Variants in MDFIC2 observed in about 807,000 individuals in gnomAD.
The protein encoded by MDFIC2 is MyoD family inhibitor domain containing 2.
chr3:70,290,415 C>G (rs532548879), intron 2 of MDFIC2, among the ~76,000 whole-genome samples: 104 of 152,330 alleles, frequency 6.8e-4, no homozygotes, highest in South Asian at 2.5e-3. Flanking sequence ...CAGTCTGCCC[C>G]TTCTCAGATC....
intron 2 of MDFIC2, among the ~76,000 whole-genome samples, chr3:70,284,394 C>T (rs552534307): frequency 2.6e-4 from 40 of 152,208 alleles, no homozygotes; most frequent in Admixed American, 2.2e-3. Context: ...CTCTATTAAA[C>T]TTTCTAAAAA....
intron 2 of MDFIC2, among the ~76,000 whole-genome samples, chr3:70,242,685 C>T (rs1184765477): frequency 2.0e-5 from 3 of 152,138 alleles, no homozygotes; most frequent in East Asian, 3.9e-4. Flanking sequence ...GTATATCTAT[C>T]GAAGATAGCA....
At chr3:70,252,731 G>A (rs1701781106) in intron 2 of MDFIC2, among the ~76,000 whole-genome samples, 1 of 151,882 alleles carries the variant, frequency 6.6e-6, no homozygotes, top group Admixed American at 6.6e-5. Context: ...TACATGTCAG[G>A]AACTGGTTCT....
intron 3 of MDFIC2, among the ~76,000 whole-genome samples, chr3:70,204,006 G>A (rs1386103842): frequency 6.6e-6 from 1 of 152,158 alleles, no homozygotes; most frequent in African/African-American, 2.4e-5. Flanking sequence ...AGTGTGTGAT[G>A]TGCAGTAAAG....
intron 2 of MDFIC2, among the ~76,000 whole-genome samples, chr3:70,243,470 G>A (rs1049267726): frequency 6.6e-6 from 1 of 152,116 alleles, no homozygotes; most frequent in African/African-American, 2.4e-5. Flanking sequence ...CCTACTCACT[G>A]CACTGCTGCT....
chr3:70,241,175 T>C (rs1426501396), intron 2 of MDFIC2, among the ~76,000 whole-genome samples: 1 of 152,164 alleles, frequency 6.6e-6, no homozygotes, highest in Non-Finnish European at 1.5e-5. Flanking sequence ...TGAGATATTT[T>C]GGAAGAATTG....
chr3:70,238,946 T>C (rs929009651), intron 2 of MDFIC2, among the ~76,000 whole-genome samples: 1 of 152,238 alleles, frequency 6.6e-6, no homozygotes, highest in Non-Finnish European at 1.5e-5. Flanking sequence ...ATTCTCTAAA[T>C]CTAATTGTTT....
chr3:70,224,169 T>C (rs1442378240), intron 2 of MDFIC2, among the ~76,000 whole-genome samples: 1 of 152,126 alleles, frequency 6.6e-6, no homozygotes, highest in African/African-American at 2.4e-5. Flanking sequence ...ACTGGATTCG[T>C]AGACTTTGGT....
intron 2 of MDFIC2, among the ~76,000 whole-genome samples, chr3:70,244,730 C>G (rs972195659): frequency 6.6e-6 from 1 of 152,152 alleles, no homozygotes; most frequent in Admixed American, 6.5e-5. Context: ...TCATTATGCT[C>G]TTATGAATAA....
At chr3:70,231,342 G>A (rs2106744706) in intron 2 of MDFIC2, among the ~76,000 whole-genome samples, 1 of 152,290 alleles carries the variant, frequency 6.6e-6, no homozygotes, top group South Asian at 2.1e-4. Flanking sequence ...CAAGCAGCCC[G>A]CCATCTCTCT....
intron 2 of MDFIC2, among the ~76,000 whole-genome samples, chr3:70,228,741 C>T (rs1346983388): frequency 7.5e-6 from 1 of 133,512 alleles, no homozygotes. Flanking sequence ...TTTCATGAAT[C>T]TTTTTTTTTT....
At chr3:70,271,749 G>A (rs1230376447) in intron 2 of MDFIC2, 1 of 152,132 alleles carries the variant, frequency 6.6e-6, no homozygotes, top group African/African-American at 2.4e-5. Flanking sequence ...AATTGCTATG[G>A]CTCACACTTA....
intron 2 of MDFIC2, among the ~76,000 whole-genome samples, chr3:70,268,474 CAAAA>C (rs66482424): frequency 1.0e-5 from 1 of 96,586 alleles, no homozygotes. Flanking sequence ...GACTCCGTCT[CAAAA>C]AAAAAAAAAA....
chr3:70,243,633 G>A (rs1034626484), intron 2 of MDFIC2, among the ~76,000 whole-genome samples: 2 of 152,118 alleles, frequency 1.3e-5, no homozygotes, highest in Non-Finnish European at 2.9e-5. Context: ...GGGTGGCAGC[G>A]TCCCTAGCCT....
intron 2 of MDFIC2, among the ~76,000 whole-genome samples, chr3:70,274,030 T>C (rs919774127): frequency 1.1e-4 from 17 of 150,990 alleles, no homozygotes; most frequent in African/African-American, 4.1e-4. Flanking sequence ...ATTAATATTA[T>C]AAATAAAAGT....
intron 2 of MDFIC2, among the ~76,000 whole-genome samples, chr3:70,253,305 G>C (rs1008292939): frequency 2.6e-5 from 4 of 152,104 alleles, no homozygotes; most frequent in South Asian, 2.1e-4. Flanking sequence ...TGGGGAATGG[G>C]AAGTGCAAGG....
chr3:70,240,573 A>G (rs1259450627), intron 2 of MDFIC2, among the ~76,000 whole-genome samples: 1 of 152,200 alleles, frequency 6.6e-6, no homozygotes, highest in Non-Finnish European at 1.5e-5. Flanking sequence ...TAATTCTGAC[A>G]CCAGACTGTC....
At chr3:70,257,759 G>A (rs911781385) in intron 2 of MDFIC2, among the ~76,000 whole-genome samples, 1 of 152,176 alleles carries the variant, frequency 6.6e-6, no homozygotes, top group African/African-American at 2.4e-5. Flanking sequence ...TGTATTCAGT[G>A]CAATCCCAAT....
intron 2 of MDFIC2, among the ~76,000 whole-genome samples, chr3:70,244,814 C>A (rs2106644692): frequency 6.6e-6 from 1 of 152,282 alleles, no homozygotes; most frequent in East Asian, 1.9e-4. Flanking sequence ...ATGTATATAT[C>A]CATGCCTCTC....
Sources: allele counts gnomAD v4.1 joint callset (sites outside exome capture counted in the v4.1 genomes callset), GRCh38; gene constraint gnomAD v4.1.1; transcripts MANE v1.5; gene names NCBI Gene and HGNC (gene_info 2026-07-23, HGNC 2026-07-21).